The following DNMBP variants were observed in gnomAD, a reference collection of about 807,000 sequenced individuals.
The protein encoded by DNMBP is dynamin-binding protein.
In DNMBP, 87 loss-of-function variants were observed where a neutral mutation model predicts 150.0. The observed-to-expected ratio is 0.58, with a 90% CI of 0.49 to 0.69. The LOEUF (loss-of-function observed/expected upper bound fraction) is 0.69, where lower values mean the gene tolerates loss of function less well. Among genes scored for constraint, DNMBP ranks in the 30% least tolerant of loss-of-function variants. The pLI is 0.00. For missense variants in DNMBP, 1,774 were observed against 1,949.0 expected, an observed-to-expected ratio of 0.91 and a Z score of 1.69; for synonymous variants, 711 against 750.4, an observed-to-expected ratio of 0.95 and a Z score of 0.86.
chr10:99,944,985 A>G (rs1158548487), intron 4 of DNMBP, among the ~76,000 whole-genome samples: 1 of 152,218 alleles, frequency 6.6e-6, no homozygotes, highest in Non-Finnish European at 1.5e-5. Flanking sequence ...AGGGTAAATC[A>G]GAATTGGGCC....
chr10:99,958,532 A>C (rs1268281463), intron 3 of DNMBP, among the ~76,000 whole-genome samples: 3 of 152,238 alleles, frequency 2.0e-5, no homozygotes, highest in African/African-American at 4.8e-5. Flanking sequence ...GTGAGTCTGA[A>C]ACATCAAGGA....
At chr10:99,896,562 ACAG>A (rs1333643115) in intron 9 of DNMBP, 165 bp from the exon 10 acceptor site, 2 of 687,958 alleles carry the variant, frequency 2.9e-6, no homozygotes, top group African/African-American at 3.6e-5. Flanking sequence ...TATCTGAAGC[ACAG>A]CAGAGAGACA....
chr10:99,877,450 C>T, intron 16 of DNMBP, 114 bp from the exon 17 acceptor site: 1 of 733,402 alleles, frequency 1.4e-6, no homozygotes, highest in South Asian at 2.3e-5. Flanking sequence ...GCTACTGAGC[C>T]CCTGAAATAT....
At chr10:100,002,705 A>G (rs1487287888) in intron 1 of DNMBP, among the ~76,000 whole-genome samples, 3 of 151,964 alleles carry the variant, frequency 2.0e-5, no homozygotes, top group Non-Finnish European at 4.4e-5. Flanking sequence ...GGGTTAATAA[A>G]TATCTTCTGC....
At chr10:99,898,332 C>A (rs762108944) in intron 8 of DNMBP, 47 bp from the exon 9 acceptor site, 1 of 1,516,470 alleles carries the variant, frequency 6.6e-7, no homozygotes, top group Non-Finnish European at 9.2e-7. Flanking sequence ...AATAATATAG[C>A]GCCCAGCCTG....
chr10:100,002,278 A>G (rs2041022365), intron 1 of DNMBP, among the ~76,000 whole-genome samples: 3 of 152,046 alleles, frequency 2.0e-5, no homozygotes, highest in Admixed American at 6.6e-5. Flanking sequence ...TCTGTAATAA[A>G]GAGGTATAAT....
intron 4 of DNMBP, among the ~76,000 whole-genome samples, chr10:99,924,123 C>T (rs1470291021): frequency 6.6e-6 from 1 of 151,984 alleles, no homozygotes. Context: ...CACTGCACTC[C>T]AGCCTGGGCA....
chr10:99,925,613 C>T (rs1237030817), intron 4 of DNMBP, among the ~76,000 whole-genome samples: 4 of 152,008 alleles, frequency 2.6e-5, no homozygotes, highest in Non-Finnish European at 5.9e-5. Flanking sequence ...GGGGGTTTCA[C>T]CATGTTGGCA....
At chr10:99,983,158 C>T (rs2040796481) in intron 1 of DNMBP, among the ~76,000 whole-genome samples, 2 of 152,266 alleles carry the variant, frequency 1.3e-5, no homozygotes, top group Admixed American at 1.3e-4. Context: ...AAAGAATATG[C>T]TTCCATGAGC....
At chr10:99,933,860 C>CCTG (rs1445358262) in intron 4 of DNMBP, among the ~76,000 whole-genome samples, 3 of 152,198 alleles carry the variant, frequency 2.0e-5, no homozygotes, top group African/African-American at 7.2e-5. Context: ...CCTCAGCCTC[C>CCTG]GCAGCAGCTG....
At chr10:99,976,356 T>A (rs1235140095) in intron 1 of DNMBP, among the ~76,000 whole-genome samples, 1 of 152,206 alleles carries the variant, frequency 6.6e-6, no homozygotes, top group African/African-American at 2.4e-5. Context: ...GAACATGACT[T>A]ACTCTTTGGC....
At chr10:99,891,340 C>T (rs1451003847) in intron 11 of DNMBP, among the ~76,000 whole-genome samples, 33 of 151,096 alleles carry the variant, frequency 2.2e-4, no homozygotes, top group African/African-American at 6.8e-4. Context: ...CGCGCCACCA[C>T]GCCTGACTGG....
intron 3 of DNMBP, among the ~76,000 whole-genome samples, chr10:99,968,703 AAAG>A (rs202025731): frequency 1.3e-5 from 2 of 150,474 alleles, no homozygotes; most frequent in African/African-American, 5.0e-5. Context: ...AAAAAAAAAA[AAAG>A]AGAGAGAGAG....
intron 1 of DNMBP, among the ~76,000 whole-genome samples, chr10:100,002,493 G>C (rs115687406): frequency 6.6e-6 from 1 of 152,244 alleles, no homozygotes; most frequent in South Asian, 2.1e-4. Flanking sequence ...GATCCACAGA[G>C]TAAGGAAACT....
intron 3 of DNMBP, among the ~76,000 whole-genome samples, chr10:99,964,099 C>T (rs1218092377): frequency 6.9e-6 from 1 of 145,866 alleles, no homozygotes; most frequent in Non-Finnish European, 1.5e-5. Context: ...TAACTTGTTT[C>T]TCTCCTCTCT....
At chr10:99,967,157 G>A (rs529909364) in intron 3 of DNMBP, among the ~76,000 whole-genome samples, 11 of 152,036 alleles carry the variant, frequency 7.2e-5, no homozygotes, top group South Asian at 2.1e-4. Context: ...CCAGCTACTC[G>A]GGAGACTGAG....
intron 1 of DNMBP, among the ~76,000 whole-genome samples, chr10:99,986,341 C>T (rs58071237): frequency 6.6e-6 from 1 of 151,664 alleles, no homozygotes; most frequent in Non-Finnish European, 1.5e-5. Context: ...GAGACCCCAT[C>T]TCTGGAAAAA....
chr10:100,003,991 G>A (rs947725623), intron 1 of DNMBP, among the ~76,000 whole-genome samples: 1 of 151,756 alleles, frequency 6.6e-6, no homozygotes, highest in Non-Finnish European at 1.5e-5. Context: ...AAGCACTTTG[G>A]GAGGCCAAGG....
intron 1 of DNMBP, among the ~76,000 whole-genome samples, chr10:100,005,047 C>T (rs575230066): frequency 4.6e-5 from 7 of 152,074 alleles, no homozygotes; most frequent in Non-Finnish European, 4.4e-5. Context: ...TAAATTAAAA[C>T]GACAAGATAT....
Sources: allele counts gnomAD v4.1 joint callset (sites outside exome capture counted in the v4.1 genomes callset), GRCh38; gene constraint gnomAD v4.1.1; transcripts MANE v1.5; gene names NCBI Gene and HGNC (gene_info 2026-07-23, HGNC 2026-07-21).